Variants in RHD observed in about 807,000 individuals in gnomAD.
The protein encoded by RHD is Rh blood group D antigen.
RHD carries 16 observed loss-of-function variants against 45.5 expected under a neutral mutation model. The observed-to-expected ratio is 0.35, with a 90% confidence interval of 0.24 to 0.53. RHD has a LOEUF of 0.53. RHD is among the 20% of genes least tolerant of loss of function. The pLI is 0.92. For missense variants in RHD, 306 were observed against 532.0 expected (o/e 0.58, Z 4.18); for synonymous variants, 131 against 217.5 (o/e 0.60, Z 3.50).
intron 9 of RHD, among the ~76,000 whole-genome samples, chr1:25,323,850 C>T (rs1207887461): frequency 3.3e-5 from 4 of 122,908 alleles, no homozygotes; most frequent in Admixed American, 7.9e-5. Context: ...GAGAATCATC[C>T]GTGTTGTTGC....
intron 7 of RHD, 121 bp downstream of exon 7, chr1:25,306,850 G>A (rs1270775175): frequency 1.0e-6 from 1 of 972,594 alleles, no homozygotes; most frequent in Non-Finnish European, 1.6e-6. Context: ...AGGCTTCGGT[G>A]AATATTTGTT....
rs377008039 is a variant in RHD at position 25,281,789 on chromosome 1, A to G, written c.149-2784A>G. The stretch of plus-strand genomic sequence containing the variant: ...CCCACGCCCCAAATCCCCAGGTCCC[A>G]TGGAGGTCCTTGGGGGCCTCCTATA... On this transcript the variant is annotated intron_variant, in intron 1 of 9. Coordinates refer to ENST00000328664, the MANE Select transcript of RHD (RefSeq NM_016124.6). Among the ~76,000 whole-genome samples, 21 of 132,478 alleles carry G rather than the reference A, an allele frequency of 1.6e-4. 5 individuals are homozygous for G. The highest frequency in any genetic ancestry group is 9.8e-4 in the East Asian group (5 of 5,128). 86.9% of individuals were successfully genotyped at this position (132,478 alleles called of 152,430 possible).
chr1:25,316,772 G>C lies in RHD; in HGVS notation c.1074-228G>C, dbSNP rs1038427113. 3.2e-4 allele frequency among the ~76,000 whole-genome samples: 33 copies of C among 101,748 alleles called. 4 individuals carry two copies. Among genetic ancestry groups the C allele is most frequent in the African/African-American group, 9.5e-4 (31 of 32,602 alleles). 66.8% of individuals were successfully genotyped at this position (101,748 alleles called of 152,430 possible). On this transcript the variant is annotated intron_variant, in intron 7 of 9. Transcript: ENST00000328664. ...TGGTTCATTATCCATGAGGTGCTGG[G>C]AACTAAAATAAGCCACAATCTTGGA... is the stretch of plus-strand genomic sequence containing the variant.
chr1:25,291,540 A>C (rs34899305), intron 3 of RHD, among the ~76,000 whole-genome samples: 1 of 132,650 alleles, frequency 7.5e-6, no homozygotes, highest in East Asian at 2.0e-4. Flanking sequence ...GTTTACAAAA[A>C]TGTGGTCTGT....
At chr1:25,287,744 C>T (rs28496575) in intron 2 of RHD, among the ~76,000 whole-genome samples, 23,856 of 133,946 alleles carry the variant, frequency 0.18, 164 homozygotes, top group East Asian at 0.44. Context: ...TTTTTAGAGA[C>T]AGGGTCTTGC....
At chr1:25,280,956 T>C (rs1269978125) in intron 1 of RHD, among the ~76,000 whole-genome samples, 2 of 131,586 alleles carry the variant, frequency 1.5e-5, no homozygotes, top group South Asian at 2.3e-4. Context: ...AACTCTGCCC[T>C]TATCCAGGCA....
chr1:25,322,144 C>T lies in RHD; in HGVS notation c.1227+182C>T, dbSNP rs1644743655. 3.8e-5 allele frequency among the ~76,000 whole-genome samples: 5 copies of T among 130,676 alleles called. 2 individuals carry two copies. The South Asian group carries it at 1.2e-3, about 31-fold the overall frequency. The allele number at this position is 130,676 out of a possible 152,430, so 85.7% of individuals were successfully genotyped here. Reference sequence around the variant, plus strand: ...TATGCATGTGTGTGGGGGAGGGTGGCGGGGAGGTGGTAAAGGTCACCATTT... The same window carrying T: ...TATGCATGTGTGTGGGGGAGGGTGGTGGGGAGGTGGTAAAGGTCACCATTT... On this transcript the variant is annotated intron_variant, in intron 9 of 9. Coordinates refer to ENST00000328664, the MANE Select transcript of RHD (RefSeq NM_016124.6).
rs1227350292 is a variant in RHD, at chr1:25,320,507, G to T, written c.1154-1382G>T. Among the ~76,000 whole-genome samples, 2 of 132,092 alleles carry T rather than the reference G, an allele frequency of 1.5e-5. 1 individual carries two copies. The highest frequency in any genetic ancestry group is 3.6e-5 in the Non-Finnish European group (2 of 55,774). 86.7% of individuals were successfully genotyped at this position (132,092 alleles called of 152,430 possible). A position where few individuals can be genotyped will look rare whatever the true frequency, so the allele number is the denominator to read the frequency against. ...AACTGCGTCATGCTGGTTGTACCCT[G>T]CATGCCAATATCAGCTAAAAGCAGC... is the stretch of plus-strand genomic sequence containing the variant. On this transcript the variant is annotated intron_variant, in intron 8 of 9. Transcript: ENST00000328664.
chr1:25,319,720 C>A lies in RHD; in HGVS notation c.1154-2169C>A, dbSNP rs190721608. Among the ~76,000 whole-genome samples, 557 of 132,078 alleles carry A rather than the reference C, an allele frequency of 4.2e-3. 94 individuals are homozygous for A. The highest frequency in any genetic ancestry group is 0.038 in the Admixed American group (515 of 13,518). 86.6% of individuals were successfully genotyped at this position (132,078 alleles called of 152,430 possible). Reference sequence around the variant, plus strand: ...ACAAGCATTTAATTTGTTAATTGAGCCCTCTATGGGCCTGTCTGTATTTAT... The same window carrying A: ...ACAAGCATTTAATTTGTTAATTGAGACCTCTATGGGCCTGTCTGTATTTAT... On this transcript the variant is annotated intron_variant, in intron 8 of 9. Coordinates refer to ENST00000328664, the MANE Select transcript of RHD (RefSeq NM_016124.6).
rs1335480155 is a variant in RHD at position 25,281,009 on chromosome 1, C to T, written c.149-3564C>T. On this transcript the variant is annotated intron_variant, in intron 1 of 9. Coordinates refer to ENST00000328664, the MANE Select transcript of RHD (RefSeq NM_016124.6). ...TTCCACTAACTTCTTTGGAATATTC[C>T]AGAGCTGTAAAAGCCTTAGAGAGTA... 6.1e-5 allele frequency among the ~76,000 whole-genome samples: 8 copies of T among 131,780 alleles called. 1 individual carries two copies. The highest frequency in any genetic ancestry group is 2.1e-4 in the African/African-American group (8 of 38,300). 86.5% of individuals were successfully genotyped at this position (131,780 alleles called of 152,430 possible).
intron 7 of RHD, among the ~76,000 whole-genome samples, chr1:25,312,580 CA>C (rs1644203980): frequency 1.6e-5 from 2 of 128,226 alleles, no homozygotes; most frequent in East Asian, 2.0e-4. Flanking sequence ...CCTGTCTCTA[CA>C]AAAAATAAAA....
At chr1:25,286,576 G>A (rs1642017017) in intron 2 of RHD, among the ~76,000 whole-genome samples, 1 of 134,178 alleles carries the variant, frequency 7.5e-6, no homozygotes, top group Admixed American at 7.2e-5. Context: ...CATGAGGTCA[G>A]GAGATCGAGA....
At chr1:25,285,485 G>C (rs960326903) in intron 2 of RHD, among the ~76,000 whole-genome samples, 1 of 135,020 alleles carries the variant, frequency 7.4e-6, no homozygotes, top group Non-Finnish European at 1.8e-5. Flanking sequence ...AATGCTGCTA[G>C]ACAATAAATA....
intron 3 of RHD, among the ~76,000 whole-genome samples, chr1:25,295,607 C>T (rs1237549224): frequency 7.6e-5 from 8 of 105,154 alleles, no homozygotes; most frequent in Admixed American, 2.0e-4. Context: ...AGAAGTGTAA[C>T]GCAGGGAAAG....
At position 25,274,260 on chromosome 1, in the gene RHD, C is replaced by T. The variant is rs1305538132; in HGVS notation, c.148+1565C>T. ...GGATGTTGAGTAATTTGCCCACGGT[C>T]GCTCAGCTAGCAATAGCACAGCGTA... On this transcript the variant is annotated intron_variant, in intron 1 of 9. Transcript: ENST00000328664. 1.4e-4 allele frequency among the ~76,000 whole-genome samples: 18 copies of T among 132,004 alleles called. 2 individuals carry two copies. The highest frequency in any genetic ancestry group is 4.6e-4 in the African/African-American group (18 of 38,838). The allele number at this position is 132,004 out of a possible 152,430, so 86.6% of individuals were successfully genotyped here.
At chr1:25,283,563 C>T (rs1241953411) in intron 1 of RHD, among the ~76,000 whole-genome samples, 2 of 131,536 alleles carry the variant, frequency 1.5e-5, no homozygotes, top group South Asian at 4.6e-4. Flanking sequence ...CTCTACCCAC[C>T]GGGGCAAGTT....
chr1:25,302,306 T>A (rs563395909), intron 5 of RHD, among the ~76,000 whole-genome samples: 1 of 128,382 alleles, frequency 7.8e-6, no homozygotes, highest in East Asian at 2.0e-4. Flanking sequence ...CAAAACAAGT[T>A]CTCATGATGA....
intron 3 of RHD, among the ~76,000 whole-genome samples, chr1:25,291,142 G>GGATAGATAGATA (rs1557529488): frequency 1.4e-4 from 17 of 125,676 alleles, no homozygotes; most frequent in African/African-American, 3.5e-4. Flanking sequence ...ATAGGTAGGT[G>GGATAGATAGATA]GATAGACAGA....
chr1:25,316,148 GC>G (rs1334599566), intron 7 of RHD, among the ~76,000 whole-genome samples: 1 of 130,934 alleles, frequency 7.6e-6, no homozygotes, highest in Non-Finnish European at 1.8e-5. Flanking sequence ...GCATCCAAGG[GC>G]CCCCGTAATA....
Sources: allele counts gnomAD v4.1 joint callset (sites outside exome capture counted in the v4.1 genomes callset), GRCh38; gene constraint gnomAD v4.1.1; transcripts MANE v1.5; gene names NCBI Gene and HGNC (gene_info 2026-07-23, HGNC 2026-07-21).